ZNF609: variants seen among roughly 807,000 people sequenced by gnomAD.
ZNF609 encodes zinc finger protein 609.
Under a neutral mutation model 109.5 loss-of-function variants are expected in ZNF609, and 11 were observed. That is an observed-to-expected ratio of 0.10 (90% CI 0.06 to 0.17). The LOEUF (loss-of-function observed/expected upper bound fraction) is 0.17. Ranked by LOEUF, ZNF609 falls within the 10% of genes least tolerant of loss-of-function variation. The pLI is 1.00. For missense variants in ZNF609, 1,559 were observed against 1,772.4 expected (o/e 0.88, Z 2.16); for synonymous variants, 646 against 662.0 (o/e 0.98, Z 0.37).
chr15:64,606,137 A>G (rs1348766194), intron 2 of ZNF609, among the ~76,000 whole-genome samples: 3 of 144,412 alleles, frequency 2.1e-5, no homozygotes, highest in African/African-American at 7.7e-5. Flanking sequence ...TTTTGGGGAT[A>G]GAGTCTCACT....
intron 2 of ZNF609, among the ~76,000 whole-genome samples, chr15:64,595,297 G>C (rs1158565056): frequency 6.6e-6 from 1 of 150,494 alleles, no homozygotes; most frequent in African/African-American, 2.5e-5. Context: ...GGAGGCAGAG[G>C]TTGCAGTAAG....
intron 2 of ZNF609, among the ~76,000 whole-genome samples, chr15:64,563,458 A>G (rs565386390): frequency 1.3e-5 from 2 of 152,154 alleles, no homozygotes; most frequent in Admixed American, 6.5e-5. Flanking sequence ...CTCAAAAAAA[A>G]AAAAATAATT....
chr15:64,642,866 C>A (rs1012291738), intron 3 of ZNF609, among the ~76,000 whole-genome samples: 2 of 152,108 alleles, frequency 1.3e-5, no homozygotes, highest in African/African-American at 4.8e-5. Flanking sequence ...TTTCAGATAA[C>A]AACTATGCAC....
At chr15:64,585,444 G>A (rs1895180541) in intron 2 of ZNF609, among the ~76,000 whole-genome samples, 2 of 152,252 alleles carry the variant, frequency 1.3e-5, no homozygotes, top group South Asian at 4.1e-4. Context: ...ATATGTATTT[G>A]TTGCTGTTGT....
At chr15:64,473,674 C>T (rs1019288240) in intron 1 of ZNF609, among the ~76,000 whole-genome samples, 6 of 151,832 alleles carry the variant, frequency 4.0e-5, no homozygotes, top group Admixed American at 1.3e-4. Flanking sequence ...GGTGCGATAT[C>T]GGCTTACTGC....
chr15:64,606,483 C>T (rs748230612), intron 2 of ZNF609, among the ~76,000 whole-genome samples: 2 of 145,626 alleles, frequency 1.4e-5, no homozygotes, highest in African/African-American at 2.5e-5. Context: ...TCGCTTGAAC[C>T]GGGAGGCAGA....
At chr15:64,465,795 G>T (rs1456478316) in intron 1 of ZNF609, among the ~76,000 whole-genome samples, 1 of 151,858 alleles carries the variant, frequency 6.6e-6, no homozygotes, top group African/African-American at 2.4e-5. Flanking sequence ...TGATGTTAAG[G>T]AACATCACCA....
intron 1 of ZNF609, among the ~76,000 whole-genome samples, chr15:64,497,773 C>T (rs899010562): frequency 8.6e-5 from 13 of 151,488 alleles, no homozygotes; most frequent in South Asian, 2.1e-4. Context: ...TTGTGGTGCA[C>T]GCCTGTAATC....
intron 1 of ZNF609, among the ~76,000 whole-genome samples, chr15:64,472,114 G>A (rs906350266): frequency 1.0e-4 from 15 of 150,644 alleles, no homozygotes; most frequent in African/African-American, 3.4e-4. Context: ...GTTTCCCCAT[G>A]TTGGTCAGGC....
chr15:64,561,984 T>C (rs1185799209), intron 2 of ZNF609, among the ~76,000 whole-genome samples: 2 of 152,206 alleles, frequency 1.3e-5, no homozygotes, highest in African/African-American at 4.8e-5. Context: ...TCCTAATGCC[T>C]GTGAAAATTT....
chr15:64,464,416 C>T (rs1892983290), intron 1 of ZNF609, among the ~76,000 whole-genome samples: 1 of 152,228 alleles, frequency 6.6e-6, no homozygotes, highest in African/African-American at 2.4e-5. Context: ...TTTTCTCCTA[C>T]TCTGAAGGTA....
At chr15:64,603,317 C>T (rs1001560081) in intron 2 of ZNF609, among the ~76,000 whole-genome samples, 3 of 149,154 alleles carry the variant, frequency 2.0e-5, no homozygotes, top group African/African-American at 5.0e-5. Context: ...GTCACCCAGG[C>T]TGGAGTGCAG....
intron 1 of ZNF609, among the ~76,000 whole-genome samples, chr15:64,497,246 A>AT (rs531038299): frequency 6.3e-4 from 96 of 152,318 alleles, no homozygotes; most frequent in African/African-American, 2.2e-3. Context: ...TAGACTTGGC[A>AT]TTTACTAATA....
intron 2 of ZNF609, among the ~76,000 whole-genome samples, chr15:64,618,094 T>C (rs1363374580): frequency 2.0e-5 from 3 of 150,260 alleles, no homozygotes; most frequent in Admixed American, 2.0e-4. Flanking sequence ...TTTAGGTATA[T>C]GAAAAGATGG....
intron 2 of ZNF609, among the ~76,000 whole-genome samples, chr15:64,511,770 A>G (rs1460722298): frequency 2.7e-5 from 4 of 146,756 alleles, no homozygotes; most frequent in Non-Finnish European, 6.0e-5. Context: ...GCTGGAGTGC[A>G]GTGGCGCGAT....
At chr15:64,518,003 A>T (rs1476637656) in intron 2 of ZNF609, among the ~76,000 whole-genome samples, 1 of 151,932 alleles carries the variant, frequency 6.6e-6, no homozygotes, top group Admixed American at 6.6e-5. Flanking sequence ...CACCACGTTG[A>T]ACCCCTGGGC....
chr15:64,489,268 C>G lies in ZNF609; in HGVS notation c.-127-10025C>G, dbSNP rs544468821. Among the ~76,000 whole-genome samples the G allele has an allele frequency of 4.6e-5, 7 of 151,428 alleles. No homozygotes were observed. The East Asian group carries it at 1.4e-3, about 30-fold the overall frequency. On this transcript the variant is annotated intron_variant, in intron 1 of 9. Transcript: ENST00000326648. ...TGGCGCGATCTTGGCTCACTGCAAC[C>G]TCCGCCCTCCAAGTTCAAGCAATTC...
intron 3 of ZNF609, among the ~76,000 whole-genome samples, chr15:64,669,310 A>G (rs1317410450): frequency 1.3e-5 from 2 of 152,196 alleles, no homozygotes; most frequent in African/African-American, 4.8e-5. Flanking sequence ...GATTGAAACA[A>G]CCTAAATGTC....
At chr15:64,679,342 G>A (rs1158456298) in intron 6 of ZNF609, among the ~76,000 whole-genome samples, 2 of 152,226 alleles carry the variant, frequency 1.3e-5, no homozygotes, top group African/African-American at 4.8e-5. Flanking sequence ...AAAGTGCTGA[G>A]ATACAGGCAT....
Sources: gnomAD v4.1 joint callset for allele counts (sites outside exome capture counted in the v4.1 genomes callset) on GRCh38, gnomAD v4.1.1 for gene constraint, MANE v1.5 for transcripts, NCBI Gene and HGNC (gene_info 2026-07-23, HGNC 2026-07-21) for gene names.